AKAP7: variants seen among roughly 807,000 people sequenced by gnomAD.
AKAP7 encodes the protein A kinase (PRKA) anchor protein 7.
AKAP7 carries 39 observed loss-of-function variants against 39.5 expected under a neutral mutation model. The observed-to-expected ratio is 0.99, with a 90% CI of 0.76 to 1.29. The LOEUF is 1.29. AKAP7 is among the 50% of genes most tolerant of loss of function. The probability of loss-of-function intolerance (pLI) is 0.00; values close to 1 mark genes in which losing one functional copy is unlikely to be tolerated. For synonymous variants in AKAP7, 140 were observed against 139.1 expected (o/e 1.01, Z -0.05); for missense variants, 414 against 407.7 (o/e 1.02, Z -0.13).
chr6:131,214,442 C>T (rs189531891), intron 6 of AKAP7, among the ~76,000 whole-genome samples: 13 of 152,124 alleles, frequency 8.5e-5, no homozygotes, highest in South Asian at 8.3e-4. Context: ...ACTGAATAGA[C>T]GCTTTAGCAT....
At chr6:131,224,730 CTTTTTTTTTTTT>C (rs779047229) in intron 7 of AKAP7, among the ~76,000 whole-genome samples, 7 of 55,110 alleles carry the variant, frequency 1.3e-4, no homozygotes, top group Admixed American at 2.8e-4. Context: ...AGTTGATTCA[CTTTTTTTTTTTT>C]TTTTTTTTTT....
chr6:131,207,647 T>G, intron 6 of AKAP7, among the ~76,000 whole-genome samples: 1 of 151,938 alleles, frequency 6.6e-6, no homozygotes, highest in East Asian at 1.9e-4. Flanking sequence ...ATACTACATC[T>G]TTAGTGAAAC....
chr6:131,157,692 A>G (rs1035567083), intron 2 of AKAP7, among the ~76,000 whole-genome samples: 2 of 152,240 alleles, frequency 1.3e-5, no homozygotes, highest in Admixed American at 6.5e-5. Context: ...ACAGATAAAA[A>G]TGCTACAAAC....
rs948579103 is a variant in AKAP7, at chr6:131,135,516, G to GGCTGCCGCCGCC, written c.-242_-231dup. ...GGCATGCGGGTGCTGCGGCTGCTGC[G>GGCTGCCGCCGCC]GCTGCCGCCGCCGCTGCTGCCGCTG... is the stretch of plus-strand genomic sequence containing the variant. On this transcript the variant is annotated 5_prime_UTR_variant, in exon 1 of 8. Coordinates refer to ENST00000431975, the MANE Select transcript of AKAP7 (RefSeq NM_016377.4). The GGCTGCCGCCGCC allele has an allele frequency of 6.2e-6, 1 of 162,076 alleles. No individual in the cohort carries two copies. Among genetic ancestry groups the GGCTGCCGCCGCC allele is most frequent in the Non-Finnish European group, 1.3e-5 (1 of 77,636 alleles). The allele number at this position is 162,076 out of a possible 1,614,324, so 10.0% of individuals were successfully genotyped here. A position where few individuals can be genotyped will look rare whatever the true frequency, so the allele number is the denominator to read the frequency against.
intron 5 of AKAP7, among the ~76,000 whole-genome samples, chr6:131,179,416 T>G (rs1367702243): frequency 3.9e-5 from 6 of 152,162 alleles, no homozygotes; most frequent in Non-Finnish European, 7.4e-5. Context: ...TCAAGTGATC[T>G]GCCTGCCTGG....
chr6:131,168,722 CTT>C (rs1433238322), intron 4 of AKAP7, among the ~76,000 whole-genome samples: 2 of 152,098 alleles, frequency 1.3e-5, no homozygotes, highest in African/African-American at 4.8e-5. Flanking sequence ...AGTATTAGTA[CTT>C]TCATCAAAAA....
chr6:131,265,193 G>A (rs984554324), intron 7 of AKAP7, among the ~76,000 whole-genome samples: 1 of 152,100 alleles, frequency 6.6e-6, no homozygotes, highest in Non-Finnish European at 1.5e-5. Context: ...GGGGTGCAGT[G>A]GTGCAATTTC....
rs1187051334 is a variant in AKAP7 at position 131,169,146 on chromosome 6, C to A, written c.462C>A (p.Phe154Leu). Residue 154 changes from phenylalanine to leucine, a missense_variant, in exon 5 of 8, where the codon TTC becomes TTA. Coordinates refer to ENST00000431975, the MANE Select transcript of AKAP7 (RefSeq NM_016377.4). ...ATGCTCTTTTGGAATTGAAACCATTCATAGAAGAACTCCTCCAGGGAAAAC... is the reference window on the plus strand; with the variant it reads ...ATGCTCTTTTGGAATTGAAACCATTAATAGAAGAACTCCTCCAGGGAAAAC... ...GIDALLELKP[F>L]IEELLQGKHL... The A allele has an allele frequency of 1.9e-6, 3 of 1,613,140 alleles. No homozygotes were observed. The South Asian group carries it at 3.3e-5, about 18-fold the overall frequency.
intron 6 of AKAP7, among the ~76,000 whole-genome samples, chr6:131,216,101 A>C (rs904165366): frequency 6.6e-6 from 1 of 152,236 alleles, no homozygotes; most frequent in African/African-American, 2.4e-5. Context: ...GTTATCTTCT[A>C]TTACAAAAAT....
intron 3 of AKAP7, among the ~76,000 whole-genome samples, chr6:131,164,787 A>C (rs1158424110): frequency 6.6e-6 from 1 of 152,180 alleles, no homozygotes; most frequent in African/African-American, 2.4e-5. Context: ...AGGGCCATTG[A>C]GAGGTTTTTC....
chr6:131,193,678 G>A (rs973613335), intron 5 of AKAP7, among the ~76,000 whole-genome samples: 2 of 152,056 alleles, frequency 1.3e-5, no homozygotes, highest in Non-Finnish European at 2.9e-5. Context: ...AAGACATCAG[G>A]TCCCAAGCTT....
At chr6:131,258,526 A>G (rs1813048282) in intron 7 of AKAP7, among the ~76,000 whole-genome samples, 1 of 152,222 alleles carries the variant, frequency 6.6e-6, no homozygotes, top group East Asian at 1.9e-4. Context: ...AACAGTTCCT[A>G]CAGCAAACAT....
At chr6:131,174,797 T>G (rs927898094) in intron 5 of AKAP7, among the ~76,000 whole-genome samples, 3 of 152,246 alleles carry the variant, frequency 2.0e-5, no homozygotes, top group African/African-American at 7.2e-5. Context: ...TATTAAAATT[T>G]TGTTCATTCA....
chr6:131,197,506 T>C (rs1807055288), intron 5 of AKAP7, among the ~76,000 whole-genome samples: 1 of 152,224 alleles, frequency 6.6e-6, no homozygotes, highest in African/African-American at 2.4e-5. Flanking sequence ...TACAGACATA[T>C]TAGACAACTC....
intron 7 of AKAP7, among the ~76,000 whole-genome samples, chr6:131,253,705 C>A (rs1812631717): frequency 6.6e-6 from 1 of 151,218 alleles, no homozygotes; most frequent in Admixed American, 6.7e-5. Flanking sequence ...TAAGCTCCAA[C>A]ATAGGAATGA....
chr6:131,140,806 G>A (rs1453083475), intron 1 of AKAP7, among the ~76,000 whole-genome samples: 6 of 152,170 alleles, frequency 3.9e-5, no homozygotes, highest in Admixed American at 2.6e-4. Context: ...GTGCCCAAAG[G>A]TACAGGATGT....
intron 7 of AKAP7, among the ~76,000 whole-genome samples, chr6:131,248,332 C>T (rs1324233752): frequency 6.6e-6 from 1 of 152,200 alleles, no homozygotes. Flanking sequence ...TACCTGACAT[C>T]TGGGATTTAA....
intron 7 of AKAP7, among the ~76,000 whole-genome samples, chr6:131,225,579 CTT>C (rs958819437): frequency 2.6e-5 from 4 of 152,120 alleles, no homozygotes; most frequent in African/African-American, 9.7e-5. Flanking sequence ...GAAAATTTCT[CTT>C]ATGATTTATT....
At chr6:131,165,019 A>G (rs917007078) in intron 3 of AKAP7, 62 bp from the exon 4 acceptor site, 7 of 1,338,526 alleles carry the variant, frequency 5.2e-6, no homozygotes, top group African/African-American at 4.5e-5. Flanking sequence ...ACATTTTACC[A>G]TAAAGAAATT....
Sources: allele counts gnomAD v4.1 joint callset (sites outside exome capture counted in the v4.1 genomes callset), GRCh38; gene constraint gnomAD v4.1.1; transcripts MANE v1.5; gene names NCBI Gene and HGNC (gene_info 2026-07-23, HGNC 2026-07-21).